The following GOLT1B variants were observed in gnomAD, a reference collection of about 807,000 sequenced individuals.
The protein encoded by GOLT1B is golgi transport 1B.
Under a neutral mutation model 15.4 loss-of-function variants are expected in GOLT1B, and 3 were observed. The observed-to-expected ratio is 0.19, with a 90% CI of 0.09 to 0.50. GOLT1B has a LOEUF of 0.50. Ranked by LOEUF, GOLT1B falls within the 20% of genes least tolerant of loss-of-function variation. The pLI is 0.97. For synonymous variants in GOLT1B, 65 were observed against 56.2 expected (o/e 1.16, Z -0.70); for missense variants, 145 against 160.4 (o/e 0.90, Z 0.52).
At chr12:21,502,215 C>A (rs1341658433) in intron 1 of GOLT1B, among the ~76,000 whole-genome samples, 1 of 152,204 alleles carries the variant, frequency 6.6e-6, no homozygotes, top group East Asian at 1.9e-4. Flanking sequence ...GAGTCTGTCT[C>A]ATTCCAGGGT....
Position 21,516,190 on chromosome 12 carries a change from C to A in GOLT1B, c.*483C>A, listed in dbSNP as rs1943754588. On this transcript the variant is annotated 3_prime_UTR_variant, in exon 5 of 5. Transcript: ENST00000229314. ...TTGTGTCATTTTAAAGTATTAAAAC[C>A]AAGGAAACCCCAATTTTGATGTATG... The A allele has an allele frequency of 6.6e-6, 1 of 152,130 alleles. No individual in the cohort carries two copies. The highest frequency in any genetic ancestry group is 1.5e-5 in the Non-Finnish European group (1 of 68,030). The allele number at this position is 152,130 out of a possible 1,614,324, so 9.4% of individuals were successfully genotyped here.
chr12:21,508,959 C>T (rs1461513367), intron 3 of GOLT1B, among the ~76,000 whole-genome samples: 1 of 151,706 alleles, frequency 6.6e-6, no homozygotes, highest in African/African-American at 2.4e-5. Flanking sequence ...TACTTCATAG[C>T]TACTGCTACT....
intron 1 of GOLT1B, among the ~76,000 whole-genome samples, chr12:21,502,900 G>A (rs1943646779): frequency 6.6e-6 from 1 of 152,198 alleles, no homozygotes; most frequent in African/African-American, 2.4e-5. Flanking sequence ...GACTTAAACA[G>A]TGAATTGAAG....
At position 21,508,416 on chromosome 12, in the gene GOLT1B, G is replaced by A; in HGVS notation, c.151G>A (p.Gly51Ser). 1 of 1,583,054 alleles carries A rather than the reference G, an allele frequency of 6.3e-7. No homozygotes were observed. The highest frequency in any genetic ancestry group is 8.6e-7 in the Non-Finnish European group (1 of 1,163,212). ...LFVAGLAFVI[G>S]LERTFRFFFQ... ...TGTAGCCGGCTTGGCTTTTGTAATT[G>A]GTTTAGAAAGAACATTCAGATTCTT... The change falls in exon 3 of 5, where the codon GGT (glycine) becomes AGT (serine). Residue 51 changes from glycine (G) to serine (S), a missense_variant. Physicochemically the swap from Gly to Ser is moderately conservative, Grantham distance 56 (BLOSUM62 0). Transcript: ENST00000229314.
chr12:21,515,139 A>G (rs1476327883), intron 4 of GOLT1B: 3 of 617,728 alleles, frequency 4.9e-6, no homozygotes, highest in African/African-American at 3.7e-5. Context: ...TGTCATTACC[A>G]CTTTCAATCC....
intron 3 of GOLT1B, among the ~76,000 whole-genome samples, chr12:21,510,926 A>G (rs1591762508): frequency 6.6e-6 from 1 of 152,210 alleles, no homozygotes; most frequent in Non-Finnish European, 1.5e-5. Context: ...TCTTACCACA[A>G]TCAACACAGA....
chr12:21,513,061 A>G (rs953634833), intron 4 of GOLT1B, among the ~76,000 whole-genome samples: 3 of 110,756 alleles, frequency 2.7e-5, no homozygotes, highest in African/African-American at 1.1e-4. Flanking sequence ...ACACAGTAAG[A>G]CCCTGTCTCA....
intron 2 of GOLT1B, chr12:21,507,826 G>A (rs972716602): frequency 1.1e-5 from 4 of 376,496 alleles, no homozygotes; most frequent in African/African-American, 2.2e-5. Context: ...ACACATGGTT[G>A]TATTTTTATT....
At position 21,515,742 on chromosome 12, in the gene GOLT1B, G is replaced by C. The variant is rs375392967; in HGVS notation, c.*35G>C. 1 of 926,486 alleles carries C rather than the reference G, an allele frequency of 1.1e-6. No homozygotes were observed. Among genetic ancestry groups the C allele is most frequent in the Non-Finnish European group, 1.7e-6 (1 of 576,812 alleles). 57.4% of individuals were successfully genotyped at this position (926,486 alleles called of 1,614,324 possible). On this transcript the variant is annotated 3_prime_UTR_variant, in exon 5 of 5. Coordinates refer to ENST00000229314, the MANE Select transcript of GOLT1B (RefSeq NM_016072.5). ...AATTTGAAGACTCATTTAAAATATT[G>C]TGTTATTTATAAAGTCATTTGAAGA...
At chr12:21,508,285 A>G (rs1943693369) in intron 2 of GOLT1B, 98 bp from the exon 3 acceptor site, 2 of 748,698 alleles carry the variant, frequency 2.7e-6, no homozygotes, top group Admixed American at 3.1e-5. Flanking sequence ...AGCCAAACAA[A>G]TGTGCTTCTT....
rs1943765337 is a variant in GOLT1B, at chr12:21,517,574, T to A, written c.*1867T>A. On this transcript the variant is annotated 3_prime_UTR_variant, in exon 5 of 5. Coordinates refer to ENST00000229314, the MANE Select transcript of GOLT1B (RefSeq NM_016072.5). ...TATCTGCTAATGTAAGGGACATCTGTATTTAACTCCTTTGTAGACATGAAT... is the reference window on the plus strand; with the variant it reads ...TATCTGCTAATGTAAGGGACATCTGAATTTAACTCCTTTGTAGACATGAAT... 2 of 152,094 alleles carry A rather than the reference T, an allele frequency of 1.3e-5. No homozygotes were observed. Among genetic ancestry groups the A allele is most frequent in the South Asian group, 4.1e-4 (2 of 4,834 alleles). 9.4% of individuals were successfully genotyped at this position (152,094 alleles called of 1,614,324 possible). A position where few individuals can be genotyped will look rare whatever the true frequency, so the allele number is the denominator to read the frequency against.
chr12:21,515,919 C>A lies in GOLT1B; in HGVS notation c.*212C>A. On this transcript the variant is annotated 3_prime_UTR_variant, in exon 5 of 5. Coordinates refer to ENST00000229314, the MANE Select transcript of GOLT1B (RefSeq NM_016072.5). Reference sequence around the variant, plus strand: ...AGTGAACTAAGAAGAAGTCAGCAAGCAAACTGAGAGAGGTGAAATCCATGT... The same window carrying A: ...AGTGAACTAAGAAGAAGTCAGCAAGAAAACTGAGAGAGGTGAAATCCATGT... 1 of 443,804 alleles carries A rather than the reference C, an allele frequency of 2.3e-6. No homozygotes were observed. The highest frequency in any genetic ancestry group is 3.9e-6 in the Non-Finnish European group (1 of 254,752). 27.5% of individuals were successfully genotyped at this position (443,804 alleles called of 1,614,324 possible). A position where few individuals can be genotyped will look rare whatever the true frequency, so the allele number is the denominator to read the frequency against.
At chr12:21,504,876 G>A (rs1943668366) in intron 1 of GOLT1B, among the ~76,000 whole-genome samples, 1 of 152,150 alleles carries the variant, frequency 6.6e-6, no homozygotes, top group Admixed American at 6.5e-5. Flanking sequence ...CCTAAAAGAT[G>A]CGTCCCCCAG....
chr12:21,509,513 A>G (rs1197885249), intron 3 of GOLT1B, among the ~76,000 whole-genome samples: 1 of 151,782 alleles, frequency 6.6e-6, no homozygotes, highest in Non-Finnish European at 1.5e-5. Context: ...CAGGCACTGT[A>G]TTACCCACAG....
intron 3 of GOLT1B, among the ~76,000 whole-genome samples, chr12:21,512,042 C>CA (rs531926201): frequency 1.2e-3 from 189 of 152,312 alleles, no homozygotes; most frequent in Non-Finnish European, 2.0e-3. Context: ...TCACCCCACA[C>CA]AACTCATAGT....
At chr12:21,514,123 A>G (rs915213937) in intron 4 of GOLT1B, among the ~76,000 whole-genome samples, 1 of 152,214 alleles carries the variant, frequency 6.6e-6, no homozygotes, top group Non-Finnish European at 1.5e-5. Flanking sequence ...TGAGTTGGCT[A>G]CAATCCTTTT....
intron 4 of GOLT1B, 43 bp from the exon 5 acceptor site, chr12:21,515,626 G>A (rs746816985): frequency 3.0e-6 from 3 of 1,010,520 alleles, no homozygotes; most frequent in Non-Finnish European, 4.6e-6. Flanking sequence ...GTTTTATAAT[G>A]TTCCGGGCTT....
rs891116829 is a variant in GOLT1B, at chr12:21,518,331, A to G, written c.*2624A>G. 8 of 152,204 alleles carry G rather than the reference A, an allele frequency of 5.3e-5. No homozygotes were observed. The highest frequency in any genetic ancestry group is 1.7e-4 in the African/African-American group (7 of 41,466). The allele number at this position is 152,204 out of a possible 1,614,324, so 9.4% of individuals were successfully genotyped here. A position where few individuals can be genotyped will look rare whatever the true frequency, so the allele number is the denominator to read the frequency against. On this transcript the variant is annotated 3_prime_UTR_variant, in exon 5 of 5. Coordinates refer to ENST00000229314, the MANE Select transcript of GOLT1B (RefSeq NM_016072.5). ...TACTAATGAATACAAATAGACTTCA[A>G]GTAAGCAAAAATGTTCTTAATTTTG...
intron 1 of GOLT1B, among the ~76,000 whole-genome samples, chr12:21,503,447 T>G (rs1225079480): frequency 6.6e-6 from 1 of 152,188 alleles, no homozygotes; most frequent in Non-Finnish European, 1.5e-5. Context: ...ATAAACTTTA[T>G]TTGAGATCTG....
Sources: gnomAD v4.1 joint callset for allele counts (sites outside exome capture counted in the v4.1 genomes callset) on GRCh38, gnomAD v4.1.1 for gene constraint, MANE v1.5 for transcripts, NCBI Gene and HGNC (gene_info 2026-07-23, HGNC 2026-07-21) for gene names.